PNPO: variants seen among roughly 807,000 people sequenced by gnomAD.
PNPO encodes pyridoxine-5'-phosphate oxidase.
In PNPO, 39 loss-of-function variants were observed where a neutral mutation model predicts 35.0. The ratio of observed to expected loss-of-function variants is 1.11; its 90% CI spans 0.86 to 1.45. The LOEUF (loss-of-function observed/expected upper bound fraction) is 1.45, where lower values mean the gene tolerates loss of function less well. Ranked by LOEUF, PNPO falls within the 40% of genes most tolerant of loss-of-function variation. The probability of loss-of-function intolerance (pLI) is 0.00; values close to 1 mark genes in which losing one functional copy is unlikely to be tolerated. For missense variants in PNPO, 288 were observed against 340.0 expected (o/e 0.85, Z 1.20); for synonymous variants, 115 against 119.8 (o/e 0.96, Z 0.26).
chr17:47,941,708 G>T lies in PNPO; in HGVS notation c.33G>T (p.Thr11=), dbSNP rs2035936854. MTCWLRGVTA[T]FGRPAEWPGY... Reference sequence around the variant, plus strand: ...GCTGGCTGCGGGGCGTCACGGCGACGTTCGGGCGACCTGCCGAGTGGCCAG... The same window carrying T: ...GCTGGCTGCGGGGCGTCACGGCGACTTTCGGGCGACCTGCCGAGTGGCCAG... Residue 11 remains threonine (T), a synonymous_variant, in exon 1 of 7, where the codon ACG becomes ACT. Coordinates refer to ENST00000642017, the MANE Select transcript of PNPO (RefSeq NM_018129.4). 1 of 1,542,436 alleles carries T rather than the reference G, an allele frequency of 6.5e-7. No homozygotes were observed. The highest frequency in any genetic ancestry group is 8.8e-7 in the Non-Finnish European group (1 of 1,141,492).
At chr17:47,944,396 A>G (rs1407515641) in intron 2 of PNPO, among the ~76,000 whole-genome samples, 1 of 152,106 alleles carries the variant, frequency 6.6e-6, no homozygotes, top group African/African-American at 2.4e-5. Context: ...AGGCTTTAAC[A>G]TAGGGGTTTG....
intron 3 of PNPO, 83 bp downstream of exon 3, chr17:47,944,798 A>C (rs1341068070): frequency 4.8e-5 from 50 of 1,034,190 alleles, no homozygotes; most frequent in East Asian, 4.8e-5. Flanking sequence ...ATGCCACCCC[A>C]CCCCCCCAGT....
chr17:47,944,820 CTGT>C, intron 3 of PNPO, 105 bp downstream of exon 3: 1 of 908,812 alleles, frequency 1.1e-6, no homozygotes, highest in East Asian at 2.4e-5. Flanking sequence ...TACTTGCTCT[CTGT>C]GTGCAGGTGC....
rs2144166583 is a variant in PNPO at position 47,946,633 on chromosome 17, C to T, written c.637C>T (p.Pro213Ser). ...PKSWGGYVLYPQVMEFWQGQT... is the reference protein window; with the variant it reads ...PKSWGGYVLYSQVMEFWQGQT... ...TTATAGGGGTGGCTATGTCCTGTAC[C>T]CTCAGGTGATGGAGTTCTGGCAAGG... is the stretch of plus-strand genomic sequence containing the variant. The change falls in exon 7 of 7, where the codon CCT becomes TCT. Residue 213 changes from proline to serine, a missense_variant. By Grantham distance (74) the Pro-to-Ser change is moderately conservative (BLOSUM62 -1). Transcript: ENST00000642017. The T allele has an allele frequency of 1.9e-6, 3 of 1,614,202 alleles. No homozygotes were observed. Among genetic ancestry groups the T allele is most frequent in the Non-Finnish European group, 2.5e-6 (3 of 1,180,032 alleles).
chr17:47,943,422 C>G lies in PNPO; in HGVS notation c.255C>G (p.Thr85=). ...IGEANAMCLA[T]CTRDGKPSAR... ...AAGCCAATGCCATGTGTCTGGCTAC[C>G]TGCACCAGGTGGGCATGGCTGTGGG... is the stretch of plus-strand genomic sequence containing the variant. Residue 85 remains threonine (T), a synonymous_variant, in exon 2 of 7, where the codon ACC becomes ACG. Coordinates refer to ENST00000642017, the MANE Select transcript of PNPO (RefSeq NM_018129.4). 1 of 1,613,670 alleles carries G rather than the reference C, an allele frequency of 6.2e-7. No homozygotes were observed. Among genetic ancestry groups the G allele is most frequent in the Non-Finnish European group, 8.5e-7 (1 of 1,179,694 alleles).
intron 2 of PNPO, among the ~76,000 whole-genome samples, chr17:47,943,942 T>TCTCATAGCA (rs1238675808): frequency 6.6e-6 from 1 of 152,242 alleles, no homozygotes; most frequent in African/African-American, 2.4e-5. Context: ...GAGGGGCTGA[T>TCTCATAGCA]CTCATAGCAC....
Position 47,945,710 on chromosome 17 carries a change from C to A in PNPO, c.417+98C>A. On this transcript the variant is annotated intron_variant, in intron 4 of 6. Transcript: ENST00000642017. The surrounding 1 kb of genome is among the most constrained non-coding windows in gnomAD (Gnocchi z 4.0). Reference sequence around the variant, plus strand: ...GAAGGTCCCCAGACTGGGCAAACATCCCAGCTGGGCACTCTGCCTCTAAAA... The same window carrying A: ...GAAGGTCCCCAGACTGGGCAAACATACCAGCTGGGCACTCTGCCTCTAAAA... 6.9e-7 allele frequency: 1 copy of A among 1,443,156 alleles called. No individual in the cohort carries two copies. The allele number at this position is 1,443,156 out of a possible 1,614,324, so 89.4% of individuals were successfully genotyped here.
chr17:47,946,245 G>T lies in PNPO; in HGVS notation c.547-78G>T. 4 of 1,202,554 alleles carry T rather than the reference G, an allele frequency of 3.3e-6. No individual in the cohort carries two copies. In the Admixed American group the frequency reaches 5.1e-5, roughly 15 times the overall value. The allele number at this position is 1,202,554 out of a possible 1,614,324, so 74.5% of individuals were successfully genotyped here. A position where few individuals can be genotyped will look rare whatever the true frequency, so the allele number is the denominator to read the frequency against. ...TCTGCTCTGCTCACCCATGTCCCCAGCACATATCCCCAGGAAGTCCTTGTT... is the reference window on the plus strand; with the variant it reads ...TCTGCTCTGCTCACCCATGTCCCCATCACATATCCCCAGGAAGTCCTTGTT... On this transcript the variant is annotated intron_variant, in intron 5 of 6. Transcript: ENST00000642017.
In PNPO at chr17:47,945,678, G is replaced by A. The variant is rs1018123087; in HGVS notation, c.417+66G>A. The A allele has an allele frequency of 1.2e-5, 18 of 1,470,982 alleles. No individual in the cohort carries two copies. The highest frequency in any genetic ancestry group is 1.5e-5 in the Non-Finnish European group (16 of 1,049,738). The allele number at this position is 1,470,982 out of a possible 1,614,324, so 91.1% of individuals were successfully genotyped here. A position where few individuals can be genotyped will look rare whatever the true frequency, so the allele number is the denominator to read the frequency against. Reference sequence around the variant, plus strand: ...TGGCAGGGCCTGAGTTTATGGCTACGTCTAGCGAAGGTCCCCAGACTGGGC... The same window carrying A: ...TGGCAGGGCCTGAGTTTATGGCTACATCTAGCGAAGGTCCCCAGACTGGGC... On this transcript the variant is annotated intron_variant, in intron 4 of 6. Coordinates refer to ENST00000642017, the MANE Select transcript of PNPO (RefSeq NM_018129.4). This position sits in a 1 kb window ranked among gnomAD's most constrained non-coding sequence, Gnocchi z 4.0.
Position 47,946,708 on chromosome 17 carries a change from A to G in PNPO, c.712A>G (p.Thr238Ala), listed in dbSNP as rs2036015392. The stretch of plus-strand genomic sequence containing the variant: ...GATAGTCTTTCGGCGGGGCCTACCC[A>G]CAGGAGATTCCCCTTTGGGGCCCAT... ...DRIVFRRGLP[T>A]GDSPLGPMTH... The change falls in exon 7 of 7, where the codon ACA becomes GCA. Residue 238 changes from threonine (T) to alanine (A), a missense_variant. Coordinates refer to ENST00000642017, the MANE Select transcript of PNPO (RefSeq NM_018129.4). The G allele has an allele frequency of 1.2e-6, 2 of 1,614,078 alleles. No individual in the cohort carries two copies. Among genetic ancestry groups the G allele is most frequent in the African/African-American group, 2.7e-5 (2 of 74,934 alleles).
chr17:47,944,788 A>C (rs1294160530), intron 3 of PNPO, 73 bp downstream of exon 3: 15 of 1,146,676 alleles, frequency 1.3e-5, no homozygotes, highest in Admixed American at 3.4e-5. Context: ...TCACCTTCTT[A>C]TGCCACCCCA....
At position 47,945,523 on chromosome 17, in the gene PNPO, C is replaced by T. The variant is rs2002136; in HGVS notation, c.364-36C>T. ...CATGCCGGAGGCCTCCTCTCCCTGTCCTGATGGCTGGCTGTGGATTCTCTT... is the reference window on the plus strand; with the variant it reads ...CATGCCGGAGGCCTCCTCTCCCTGTTCTGATGGCTGGCTGTGGATTCTCTT... On this transcript the variant is annotated intron_variant, in intron 3 of 6. Transcript: ENST00000642017. The surrounding 1 kb of genome is among the most constrained non-coding windows in gnomAD (Gnocchi z 4.0). 0.37 allele frequency: 583,396 copies of T among 1,588,026 alleles called. 109,029 individuals are homozygous for T. Among genetic ancestry groups the T allele is most frequent in the East Asian group, 0.56 (25,058 of 44,710 alleles).
intron 1 of PNPO, chr17:47,942,068 T>C: frequency 7.8e-7 from 1 of 1,275,482 alleles, no homozygotes; most frequent in Non-Finnish European, 9.9e-7. Flanking sequence ...GCTCGAACTT[T>C]GGAGCCTGCC....
Position 47,946,800 on chromosome 17 carries a change from C to A in PNPO, c.*18C>A, listed in dbSNP as rs1371210143. On this transcript the variant is annotated 3_prime_UTR_variant, in exon 7 of 7. Transcript: ENST00000642017. ...CACCTTAACTCTGGGACCTGCTGGCCCAGAGTGGAGCTAGGGCTAGGTGTC... is the reference window on the plus strand; with the variant it reads ...CACCTTAACTCTGGGACCTGCTGGCACAGAGTGGAGCTAGGGCTAGGTGTC... 2 of 1,612,834 alleles carry A rather than the reference C, an allele frequency of 1.2e-6. No individual in the cohort carries two copies. Among genetic ancestry groups the A allele is most frequent in the Non-Finnish European group, 1.7e-6 (2 of 1,179,314 alleles).
At position 47,949,298 on chromosome 17, in the gene PNPO, C is replaced by T. The variant is rs975871489; in HGVS notation, c.*2516C>T. ...CAGTCTGTAATAAAAGCCTATCAGC[C>T]GTGCACTTTATTGATGTTCAACCCG... On this transcript the variant is annotated 3_prime_UTR_variant, in exon 7 of 7. Coordinates refer to ENST00000642017, the MANE Select transcript of PNPO (RefSeq NM_018129.4). The T allele has an allele frequency of 1.3e-5, 2 of 152,104 alleles. No homozygotes were observed. The highest frequency in any genetic ancestry group is 4.8e-5 in the African/African-American group (2 of 41,434). The allele number at this position is 152,104 out of a possible 1,614,324, so 9.4% of individuals were successfully genotyped here. A position where few individuals can be genotyped will look rare whatever the true frequency, so the allele number is the denominator to read the frequency against.
rs902178367 is a variant in PNPO at position 47,941,698 on chromosome 17, T to C, written c.23T>C (p.Val8Ala). ...CCCATGACGTGCTGGCTGCGGGGCG[T>C]CACGGCGACGTTCGGGCGACCTGCC... The part of the protein sequence containing the change: MTCWLRG[V>A]TATFGRPAEW... Residue 8 changes from valine (V) to alanine (A), a missense_variant, in exon 1 of 7, where the codon GTC becomes GCC. By Grantham distance (64) the Val-to-Ala change is moderately conservative. Transcript: ENST00000642017. The C allele has an allele frequency of 1.9e-6, 3 of 1,540,420 alleles. No individual in the cohort carries two copies. In the African/African-American group the frequency reaches 4.1e-5, roughly 21 times the overall value.
intron 2 of PNPO, among the ~76,000 whole-genome samples, chr17:47,943,755 T>C (rs545212619): frequency 6.6e-6 from 1 of 152,246 alleles, no homozygotes; most frequent in Non-Finnish European, 1.5e-5. Flanking sequence ...CTGGTGAAGC[T>C]CTGTCTCTCT....
chr17:47,946,648 T>G lies in PNPO; in HGVS notation c.652T>G (p.Phe218Val). Residue 218 changes from phenylalanine (F) to valine (V), a missense_variant, in exon 7 of 7, where the codon TTC (phenylalanine) becomes GTC (valine). By Grantham distance (50) the Phe-to-Val change is conservative. Coordinates refer to ENST00000642017, the MANE Select transcript of PNPO (RefSeq NM_018129.4). ...TGTCCTGTACCCTCAGGTGATGGAGTTCTGGCAAGGTCAAACCAACCGCCT... is the reference window on the plus strand; with the variant it reads ...TGTCCTGTACCCTCAGGTGATGGAGGTCTGGCAAGGTCAAACCAACCGCCT... ...GYVLYPQVMEFWQGQTNRLHD... is the reference protein window; with the variant it reads ...GYVLYPQVMEVWQGQTNRLHD... 1 of 1,614,106 alleles carries G rather than the reference T, an allele frequency of 6.2e-7. No homozygotes were observed. The highest frequency in any genetic ancestry group is 8.5e-7 in the Non-Finnish European group (1 of 1,180,012).
At chr17:47,942,336 G>T (rs1395030633) in intron 1 of PNPO, among the ~76,000 whole-genome samples, 5 of 151,032 alleles carry the variant, frequency 3.3e-5, no homozygotes, top group African/African-American at 7.3e-5. Context: ...TCATCTACTG[G>T]GGGGAGGGGA....
Sources: allele counts gnomAD v4.1 joint callset (sites outside exome capture counted in the v4.1 genomes callset), GRCh38; gene constraint gnomAD v4.1.1; non-coding constraint Gnocchi (gnomAD v3.1); transcripts MANE v1.5; gene names NCBI Gene and HGNC (gene_info 2026-07-23, HGNC 2026-07-21).